NXF1: variants seen among roughly 807,000 people sequenced by gnomAD.
The protein encoded by NXF1 is mRNA export factor TAP.
A neutral mutation model predicts 92.4 loss-of-function variants in NXF1; 43 were observed. The observed-to-expected ratio is 0.47, with a 90% CI of 0.36 to 0.60. NXF1 has a LOEUF of 0.60. Ranked by LOEUF, NXF1 falls within the 20% of genes least tolerant of loss-of-function variation. NXF1 has a pLI of 0.00. For synonymous variants in NXF1, 288 were observed against 292.2 expected (o/e 0.99, Z 0.15); for missense variants, 576 against 793.0 (o/e 0.73, Z 3.29).
intron 10 of NXF1, chr11:62,800,138 A>T: frequency 7.3e-7 from 1 of 1,369,864 alleles, no homozygotes; most frequent in Non-Finnish European, 9.4e-7. Flanking sequence ...TTCAGGAAGA[A>T]AGAGAAAGGC....
chr11:62,792,771 A>G (rs1590947508), intron 19 of NXF1, 70 bp from the exon 20 acceptor site: 1 of 1,467,280 alleles, frequency 6.8e-7, no homozygotes, highest in East Asian at 2.3e-5. Flanking sequence ...TCCACTCCAT[A>G]AAAGCACCCA....
At chr11:62,797,448 CCAGA>C in intron 11 of NXF1, 62 bp from the exon 12 acceptor site, 2 of 1,483,442 alleles carry the variant, frequency 1.3e-6, no homozygotes, top group Non-Finnish European at 1.9e-6. Flanking sequence ...ACCTGTGATC[CCAGA>C]ACTTTGGGAG....
chr11:62,797,273 G>A, intron 12 of NXF1, 35 bp from the exon 13 acceptor site: 1 of 1,613,856 alleles, frequency 6.2e-7, no homozygotes, highest in Non-Finnish European at 8.5e-7. Flanking sequence ...CATGGAAGCA[G>A]TATTCTCTCC....
At position 62,797,378 on chromosome 11, in the gene NXF1, A is replaced by G. The variant is rs369066552; in HGVS notation, c.1062T>C (p.His354=). Residue 354 remains histidine (H), a synonymous_variant, in exon 12 of 21, where the codon CAT becomes CAC. Transcript: ENST00000294172. Reference sequence around the variant, plus strand: ...CAAAGGCAATTGGTGGGGGTAGCTCATGGCCATCCTGTGGAAAGGAAGTAA... The same window carrying G: ...CAAAGGCAATTGGTGGGGGTAGCTCGTGGCCATCCTGTGGAAAGGAAGTAA... The part of the protein sequence containing the change: ...RFPKLLRLDG[H]ELPPPIAFDV... 1.5e-5 allele frequency: 25 copies of G among 1,613,220 alleles called. No homozygotes were observed. The highest frequency in any genetic ancestry group is 2.1e-5 in the Non-Finnish European group (25 of 1,179,920).
chr11:62,796,345 T>C lies in NXF1; in HGVS notation c.1287A>G (p.Arg429=). Residue 429 remains arginine (R), a splice_region_variant and synonymous_variant, in exon 15 of 21, where the codon CGA becomes CGG. Transcript: ENST00000294172. ...CCTTGAAATACTCGGCTAAGCTGCTTCTGGGGGAATAAAAGGAATGGACGT... is the reference window on the plus strand; with the variant it reads ...CCTTGAAATACTCGGCTAAGCTGCTCCTGGGGGAATAAAAGGAATGGACGT... The part of the protein sequence containing the change: ...SIPFIPQNPA[R]SSLAEYFKDS... 1 of 1,614,150 alleles carries C rather than the reference T, an allele frequency of 6.2e-7. No homozygotes were observed. The highest frequency in any genetic ancestry group is 8.5e-7 in the Non-Finnish European group (1 of 1,180,026).
At chr11:62,803,286 A>T in intron 3 of NXF1, 133 bp downstream of exon 3, 1 of 717,086 alleles carries the variant, frequency 1.4e-6, no homozygotes, top group South Asian at 2.1e-5. Flanking sequence ...ACTGTACTCC[A>T]GCCTGGGTGA....
At position 62,792,161 on chromosome 11, in the gene NXF1, G is replaced by A. The variant is rs1301128068; in HGVS notation, c.*315C>T. 4.5e-6 allele frequency: 3 copies of A among 665,986 alleles called. No individual in the cohort carries two copies. Among genetic ancestry groups the A allele is most frequent in the African/African-American group, 3.6e-5 (2 of 55,038 alleles). The allele number at this position is 665,986 out of a possible 1,614,324, so 41.3% of individuals were successfully genotyped here. ...ATCACTCTTTATATTAAAAAGTGCA[G>A]AACACGAAATACAACATCACTCTTT... is the stretch of plus-strand genomic sequence containing the variant. On this transcript the variant is annotated 3_prime_UTR_variant, in exon 21 of 21. Transcript: ENST00000294172.
intron 8 of NXF1, 63 bp downstream of exon 8, chr11:62,801,266 C>G: frequency 6.2e-7 from 1 of 1,604,306 alleles, no homozygotes; most frequent in Non-Finnish European, 8.5e-7. Context: ...AATCTGCCCT[C>G]CAGCCACTTC....
At chr11:62,799,038 C>A in intron 10 of NXF1, 1 of 996,156 alleles carries the variant, frequency 1.0e-6, no homozygotes, top group Middle Eastern at 5.0e-4. Flanking sequence ...GGGAGATGAG[C>A]AGGTGGGGCT....
intron 3 of NXF1, among the ~76,000 whole-genome samples, chr11:62,803,157 A>G (rs985944786): frequency 1.3e-5 from 2 of 152,066 alleles, no homozygotes; most frequent in African/African-American, 4.8e-5. Flanking sequence ...CGTCTCTACT[A>G]AAAATACAAA....
chr11:62,801,227 A>C (rs762843964), intron 8 of NXF1, 26 bp from the exon 9 acceptor site: 1 of 1,608,562 alleles, frequency 6.2e-7, no homozygotes, highest in Non-Finnish European at 8.5e-7. Context: ...AGTTTAGAGG[A>C]GGCACCACCA....
chr11:62,803,609 T>C, intron 2 of NXF1, 37 bp from the exon 3 acceptor site: 4 of 1,612,636 alleles, frequency 2.5e-6, no homozygotes, highest in Non-Finnish European at 3.4e-6. Flanking sequence ...CCACAAATGC[T>C]AGGAAAGTCT....
chr11:62,798,688 C>T lies in NXF1; in HGVS notation c.1017-113G>A, dbSNP rs189976833. The stretch of plus-strand genomic sequence containing the variant: ...GACAGCCCATCCCATCCTGCTCATC[C>T]CTCCACTCCCTCCCAGCCTGTGCTC... On this transcript the variant is annotated intron_variant, in intron 10 of 20. Coordinates refer to ENST00000294172, the MANE Select transcript of NXF1 (RefSeq NM_006362.5). The T allele has an allele frequency of 1.9e-4, 293 of 1,544,060 alleles. 1 individual carries two copies. In the Middle Eastern group the frequency reaches 2.5e-3, roughly 13 times the overall value.
chr11:62,797,202 C>G lies in NXF1; in HGVS notation c.1159G>C (p.Val387Leu). The G allele has an allele frequency of 1.9e-6, 3 of 1,614,136 alleles. No individual in the cohort carries two copies. Among genetic ancestry groups the G allele is most frequent in the Non-Finnish European group, 2.5e-6 (3 of 1,180,012 alleles). Residue 387 changes from valine (V) to leucine (L), a missense_variant, in exon 13 of 21, where the codon GTC (valine) becomes CTC (leucine). Physicochemically the swap from Val to Leu is conservative, Grantham distance 32. Around this residue, in one of 2 missense-constraint regions of NXF1, gnomAD observed 425 missense variants for 635.2 expected, o/e 0.67. Coordinates refer to ENST00000294172, the MANE Select transcript of NXF1 (RefSeq NM_006362.5). ...YFGTENLKSL[V>L]LHFLQQYYAI... ...ACTTACTGTTGCAGGAAGTGCAAGA[C>G]CAGACTCTTCAAGTTTTCTGTTCCA...
At chr11:62,792,795 A>G (rs1294299354) in intron 19 of NXF1, 94 bp from the exon 20 acceptor site, 1 of 1,075,476 alleles carries the variant, frequency 9.3e-7, no homozygotes, top group African/African-American at 1.6e-5. Flanking sequence ...TTGCCAACAA[A>G]TATGTACATT....
intron 16 of NXF1, 37 bp from the exon 17 acceptor site, chr11:62,795,980 C>T (rs372220381): frequency 6.7e-5 from 108 of 1,613,608 alleles, no homozygotes; most frequent in Non-Finnish European, 8.4e-5. Flanking sequence ...ATGTACACTT[C>T]TCAGAGCCTG....
Position 62,795,894 on chromosome 11 carries a change from T to G in NXF1, c.1504+7A>C. 1 of 1,613,240 alleles carries G rather than the reference T, an allele frequency of 6.2e-7. No homozygotes were observed. Among genetic ancestry groups the G allele is most frequent in the Non-Finnish European group, 8.5e-7 (1 of 1,179,802 alleles). ...CGCTACAAACTCGGGACTCTAAAGA[T>G]TCTTACCTTCCTTGAAGACTCCATT... is the stretch of plus-strand genomic sequence containing the variant. On this transcript the variant is annotated splice_region_variant and intron_variant, in intron 17 of 20. Transcript: ENST00000294172.
intron 1 of NXF1, 27 bp from the exon 2 acceptor site, chr11:62,804,005 T>G: frequency 1.2e-6 from 2 of 1,607,908 alleles, no homozygotes; most frequent in Non-Finnish European, 8.5e-7. Context: ...GAACACAAAT[T>G]AGAAGTAAGT....
In NXF1 at chr11:62,797,348, A is replaced by C. The variant is rs139771808; in HGVS notation, c.1092T>G (p.Val364=). 34 of 1,613,882 alleles carry C rather than the reference A, an allele frequency of 2.1e-5. No homozygotes were observed. Among genetic ancestry groups the C allele is most frequent in the Middle Eastern group, 1.7e-4 (1 of 5,990 alleles). Residue 364 remains valine (V), a synonymous_variant, in exon 12 of 21, where the codon GTT becomes GTG. Coordinates refer to ENST00000294172, the MANE Select transcript of NXF1 (RefSeq NM_006362.5). ...AGGGCGGTAACGTCGTGGGGGCTTC[A>C]ACATCAAAGGCAATTGGTGGGGGTA... ...HELPPPIAFD[V]EAPTTLPPCK...
Sources: gnomAD v4.1 joint callset for allele counts (sites outside exome capture counted in the v4.1 genomes callset) on GRCh38, gnomAD v4.1.1 for gene constraint, gnomAD v4.1.1 regional missense constraint, MANE v1.5 for transcripts, NCBI Gene and HGNC (gene_info 2026-07-23, HGNC 2026-07-21) for gene names.